ADARB1: variants seen among roughly 807,000 people sequenced by gnomAD.
ADARB1 encodes the protein double-stranded RNA-specific editase 1.
A neutral mutation model predicts 52.4 loss-of-function variants in ADARB1; 10 were observed. The ratio of observed to expected loss-of-function variants is 0.19; its 90% CI spans 0.12 to 0.32. The LOEUF (loss-of-function observed/expected upper bound fraction) is 0.32, where lower values mean the gene tolerates loss of function less well. ADARB1 is among the 10% of genes least tolerant of loss of function. The pLI is 1.00. For synonymous variants in ADARB1, 349 were observed against 371.1 expected, an observed-to-expected ratio of 0.94 and a Z score of 0.68; for missense variants, 643 against 922.3, an observed-to-expected ratio of 0.70 and a Z score of 3.92.
intron 2 of ADARB1, among the ~76,000 whole-genome samples, chr21:45,149,182 C>A (rs999383822): frequency 1.3e-5 from 2 of 152,236 alleles, no homozygotes; most frequent in African/African-American, 4.8e-5. Flanking sequence ...CTGTTCCTGT[C>A]TTAGGCCCCT....
chr21:45,183,326 C>CT, intron 6 of ADARB1, 36 bp from the exon 7 acceptor site: 1 of 1,582,748 alleles, frequency 6.3e-7, no homozygotes, highest in Non-Finnish European at 8.6e-7. Flanking sequence ...CTATATACAG[C>CT]TTTAAATGTT....
rs530210582 is a variant in ADARB1, at chr21:45,221,505, G to A, written c.1926+491G>A. Among the ~76,000 whole-genome samples, 25 of 152,294 alleles carry A rather than the reference G, an allele frequency of 1.6e-4. No individual in the cohort carries two copies. The highest frequency in any genetic ancestry group is 6.0e-4 in the African/African-American group (25 of 41,554). On this transcript the variant is annotated intron_variant, in intron 10 of 10. Coordinates refer to ENST00000348831, the MANE Select transcript of ADARB1 (RefSeq NM_001112.4). This position sits in a 1 kb window ranked among gnomAD's most constrained non-coding sequence, Gnocchi z 4.9. ...TGTGTATTCTTCAGTCAAGTAGATG[G>A]CATCTGTTTATTCTGAGACCAGCAT... is the stretch of plus-strand genomic sequence containing the variant.
chr21:45,191,349 G>A (rs953110540), intron 8 of ADARB1, among the ~76,000 whole-genome samples: 1 of 152,148 alleles, frequency 6.6e-6, no homozygotes, highest in African/African-American at 2.4e-5. Flanking sequence ...CACTGTCCAT[G>A]TTTTCTTCCT....
intron 6 of ADARB1, 86 bp from the exon 7 acceptor site, chr21:45,183,276 G>A (rs575596315): frequency 3.9e-5 from 51 of 1,304,994 alleles, no homozygotes; most frequent in Non-Finnish European, 5.1e-5. Context: ...TTTCCCTTGT[G>A]GAAAATACTA....
intron 8 of ADARB1, among the ~76,000 whole-genome samples, chr21:45,198,492 TTAAATCACACACA>T (rs1384094503): frequency 1.4e-5 from 2 of 143,200 alleles, no homozygotes; most frequent in African/African-American, 2.6e-5. Context: ...GCCTATTAAA[TTAAATCACACACA>T]CACACACACA....
At chr21:45,150,842 T>C (rs1473031004) in intron 2 of ADARB1, among the ~76,000 whole-genome samples, 1 of 152,204 alleles carries the variant, frequency 6.6e-6, no homozygotes, top group Admixed American at 6.5e-5. Flanking sequence ...TCCAGGTTAT[T>C]CCTGCCTGAC....
chr21:45,162,667 C>T (rs139095064), intron 2 of ADARB1, among the ~76,000 whole-genome samples: 11 of 152,342 alleles, frequency 7.2e-5, no homozygotes, highest in African/African-American at 2.6e-4. Flanking sequence ...ATGAAAGCCC[C>T]ACTCCTTGCT....
chr21:45,119,834 A>G (rs566045135), intron 1 of ADARB1, among the ~76,000 whole-genome samples: 2 of 152,362 alleles, frequency 1.3e-5, no homozygotes, highest in African/African-American at 2.4e-5. Context: ...GACAGCCCAC[A>G]TTAAACTGCT....
chr21:45,190,432 T>C (rs2092250473), intron 8 of ADARB1, among the ~76,000 whole-genome samples: 2 of 152,338 alleles, frequency 1.3e-5, no homozygotes, highest in Admixed American at 6.5e-5. Context: ...AGACAGCTGA[T>C]AGATGTGCAT....
intron 8 of ADARB1, among the ~76,000 whole-genome samples, chr21:45,196,134 AG>A (rs1323422780): frequency 2.6e-5 from 4 of 152,146 alleles, no homozygotes; most frequent in African/African-American, 9.7e-5. Flanking sequence ...TAAATATTTC[AG>A]TTTTGGGGGT....
At chr21:45,178,187 C>T (rs757532570) in intron 4 of ADARB1, among the ~76,000 whole-genome samples, 44 of 152,326 alleles carry the variant, frequency 2.9e-4, no homozygotes, top group East Asian at 1.9e-4. Flanking sequence ...GGACGCAGAT[C>T]GAAGTGCCAG....
chr21:45,148,713 C>T (rs541365645), intron 2 of ADARB1, among the ~76,000 whole-genome samples: 32 of 152,298 alleles, frequency 2.1e-4, no homozygotes, highest in African/African-American at 7.7e-4. Context: ...CAGATGCATT[C>T]GCCAGCAGCT....
At chr21:45,105,155 CAGTGGCATGA>C in intron 1 of ADARB1, among the ~76,000 whole-genome samples, 1 of 152,050 alleles carries the variant, frequency 6.6e-6, no homozygotes, top group East Asian at 1.9e-4. Context: ...GGCTGGAGAG[CAGTGGCATGA>C]TCTTGGCTCA....
intron 2 of ADARB1, among the ~76,000 whole-genome samples, chr21:45,153,736 C>T (rs111539376): frequency 1.5e-4 from 23 of 152,206 alleles, no homozygotes; most frequent in African/African-American, 5.1e-4. Flanking sequence ...CCTCTGTGCA[C>T]CGTGCTGCCA....
rs2092785785 is a variant in ADARB1, at chr21:45,212,376, T to C, written c.1747+7640T>C. Among the ~76,000 whole-genome samples, 3 of 152,232 alleles carry C rather than the reference T, an allele frequency of 2.0e-5. No homozygotes were observed. The South Asian group carries it at 6.2e-4, about 32-fold the overall frequency. On this transcript the variant is annotated intron_variant, in intron 9 of 10. Coordinates refer to ENST00000348831, the MANE Select transcript of ADARB1 (RefSeq NM_001112.4). Reference sequence around the variant, plus strand: ...TGACAGCTCAGGGACCTGCAGGAACTCAGAACATGCAGGCAGGTGCTGGAG... The same window carrying C: ...TGACAGCTCAGGGACCTGCAGGAACCCAGAACATGCAGGCAGGTGCTGGAG...
chr21:45,181,833 G>A (rs1015849419), intron 5 of ADARB1, among the ~76,000 whole-genome samples: 4 of 152,240 alleles, frequency 2.6e-5, no homozygotes, highest in Non-Finnish European at 5.9e-5. Flanking sequence ...CATCTATACA[G>A]TGGAGACATT....
At chr21:45,139,623 G>A (rs755235001) in intron 2 of ADARB1, among the ~76,000 whole-genome samples, 4 of 152,154 alleles carry the variant, frequency 2.6e-5, no homozygotes, top group African/African-American at 9.7e-5. Flanking sequence ...GGTGCCTGTC[G>A]GGCGCAGCGA....
chr21:45,138,051 C>T (rs1242012142), intron 2 of ADARB1, among the ~76,000 whole-genome samples: 2 of 152,136 alleles, frequency 1.3e-5, no homozygotes, highest in Non-Finnish European at 2.9e-5. Flanking sequence ...TTGCCCTCCT[C>T]AGTGGCATCA....
intron 1 of ADARB1, among the ~76,000 whole-genome samples, chr21:45,112,337 G>GAGGC (rs2087578959): frequency 6.6e-6 from 1 of 152,294 alleles, no homozygotes; most frequent in African/African-American, 2.4e-5. Context: ...TCGGTGTAAA[G>GAGGC]AGGCACAGGG....
Sources: gnomAD v4.1 joint callset for allele counts (sites outside exome capture counted in the v4.1 genomes callset) on GRCh38, gnomAD v4.1.1 for gene constraint, Gnocchi (gnomAD v3.1) non-coding constraint, MANE v1.5 for transcripts, NCBI Gene and HGNC (gene_info 2026-07-23, HGNC 2026-07-21) for gene names.